Variants in LASP1 observed in about 807,000 individuals in gnomAD.
LASP1 encodes the protein LIM and SH3 protein 1, also known as LIM and SH3 domain protein 1.
Under a neutral mutation model 38.6 loss-of-function variants are expected in LASP1, and 10 were observed. The observed-to-expected ratio is 0.26, with a 90% confidence interval of 0.16 to 0.44. LASP1 has a LOEUF of 0.44. LASP1 is among the 20% of genes least tolerant of loss of function. The pLI is 1.00. For synonymous variants in LASP1, 132 were observed against 140.8 expected, an observed-to-expected ratio of 0.94 and a Z score of 0.44; for missense variants, 243 against 375.7, an observed-to-expected ratio of 0.65 and a Z score of 2.92.
chr17:38,872,203 G>A (rs940562115), intron 1 of LASP1, among the ~76,000 whole-genome samples: 2 of 152,142 alleles, frequency 1.3e-5, no homozygotes, highest in African/African-American at 4.8e-5. Context: ...CCTTAAAGGT[G>A]GGGCAGTGCA....
intron 1 of LASP1, chr17:38,873,835 C>A (rs761586044): frequency 3.9e-5 from 6 of 152,244 alleles, no homozygotes; most frequent in Non-Finnish European, 8.8e-5. Context: ...GAGATGGTCT[C>A]ATAATCCATC....
Position 38,911,325 on chromosome 17 carries a change from G to T in LASP1, c.358-3000G>T, listed in dbSNP as rs1663185059. 2.0e-5 allele frequency among the ~76,000 whole-genome samples: 3 copies of T among 152,214 alleles called. 1 individual carries two copies. The highest frequency in any genetic ancestry group is 2.0e-4 in the Admixed American group (3 of 15,282). On this transcript the variant is annotated intron_variant, in intron 4 of 6. Coordinates refer to ENST00000318008, the MANE Select transcript of LASP1 (RefSeq NM_006148.4). ...GATGAGAGAAGCCTGGACTGCCCTT[G>T]AGTGGCGAGGGTGGGCTGCCTCCAG... is the stretch of plus-strand genomic sequence containing the variant.
In LASP1 at chr17:38,920,666, C is replaced by G. The variant is rs1362310241; in HGVS notation, c.*1888C>G. On this transcript the variant is annotated 3_prime_UTR_variant, in exon 7 of 7. Transcript: ENST00000318008. ...TGTTAATTGATTTGGGGATGTTTGCCCCGAATGAGAGGTTGAGGAAAAGAC... is the reference window on the plus strand; with the variant it reads ...TGTTAATTGATTTGGGGATGTTTGCGCCGAATGAGAGGTTGAGGAAAAGAC... 4.3e-6 allele frequency: 1 copy of G among 233,492 alleles called. No individual in the cohort carries two copies. The highest frequency in any genetic ancestry group is 8.5e-6 in the Non-Finnish European group (1 of 118,134). The allele number at this position is 233,492 out of a possible 1,614,324, so 14.5% of individuals were successfully genotyped here.
intron 1 of LASP1, among the ~76,000 whole-genome samples, chr17:38,872,989 C>A (rs1369622671): frequency 6.6e-6 from 1 of 152,166 alleles, no homozygotes; most frequent in Non-Finnish European, 1.5e-5. Flanking sequence ...GGGATTAGAG[C>A]TGGGGGAGAA....
chr17:38,876,851 C>T (rs948850252), intron 1 of LASP1, among the ~76,000 whole-genome samples: 4 of 152,020 alleles, frequency 2.6e-5, no homozygotes, highest in Non-Finnish European at 5.9e-5. Context: ...TACAGGCACC[C>T]GCCACCACGC....
intron 1 of LASP1, chr17:38,873,942 A>G (rs73297133): frequency 0.099 from 15,115 of 152,376 alleles, 1,086 homozygotes; most frequent in East Asian, 0.39. Context: ...CCCCCAACCC[A>G]GAGCCACAGA....
In LASP1 at chr17:38,919,033, A is replaced by AGGGCGAAGCCCGTGG; in HGVS notation, c.*257_*258insGCGAAGCCCGTGGGG. 1 of 532,764 alleles carries AGGGCGAAGCCCGTGG rather than the reference A, an allele frequency of 1.9e-6. No individual in the cohort carries two copies. The highest frequency in any genetic ancestry group is 2.1e-5 in the South Asian group (1 of 46,858). 33.0% of individuals were successfully genotyped at this position (532,764 alleles called of 1,614,324 possible). On this transcript the variant is annotated 3_prime_UTR_variant, in exon 7 of 7. Coordinates refer to ENST00000318008, the MANE Select transcript of LASP1 (RefSeq NM_006148.4). ...GAACGGGCATGGGCCTCTCTGGGGG[A>AGGGCGAAGCCCGTGG]GGCAGGGCTGGAATGGGAGACCTGT...
intron 4 of LASP1, among the ~76,000 whole-genome samples, chr17:38,909,427 T>C (rs1168353165): frequency 6.6e-6 from 1 of 151,878 alleles, no homozygotes; most frequent in East Asian, 1.9e-4. Context: ...GCCAACATGG[T>C]AAAAGCCTGT....
In LASP1 at chr17:38,884,687, C is replaced by CT. The variant is rs1202417090; in HGVS notation, c.165-5712dup. Among the ~76,000 whole-genome samples, 775 of 102,862 alleles carry CT rather than the reference C, an allele frequency of 7.5e-3. 22 individuals carry two copies. Among genetic ancestry groups the CT allele is most frequent in the African/African-American group, 0.013 (328 of 25,246 alleles). The allele number at this position is 102,862 out of a possible 152,430, so 67.5% of individuals were successfully genotyped here. On this transcript the variant is annotated intron_variant, in intron 2 of 6. Transcript: ENST00000318008. ...TTACAGCGTGAGCCACCACGTCCGGCTTTTTTTTTTTTTTTTTTTTTGAGA... is the reference window on the plus strand; with the variant it reads ...TTACAGCGTGAGCCACCACGTCCGGCTTTTTTTTTTTTTTTTTTTTTTGAGA...
chr17:38,884,054 G>T (rs1235780579), intron 2 of LASP1, among the ~76,000 whole-genome samples: 2 of 151,186 alleles, frequency 1.3e-5, no homozygotes, highest in African/African-American at 4.9e-5. Context: ...AAAACCAAAA[G>T]CTCCTTGTTG....
At chr17:38,893,242 T>G (rs1914394338) in intron 3 of LASP1, among the ~76,000 whole-genome samples, 1 of 152,220 alleles carries the variant, frequency 6.6e-6, no homozygotes, top group Non-Finnish European at 1.5e-5. Flanking sequence ...CACCGAGCCC[T>G]GTGCTCCCAC....
intron 3 of LASP1, among the ~76,000 whole-genome samples, chr17:38,895,460 A>C (rs1452427853): frequency 6.6e-6 from 1 of 151,684 alleles, no homozygotes; most frequent in Non-Finnish European, 1.5e-5. Context: ...AGCTGGGATT[A>C]CGCCCACCAC....
At chr17:38,879,950 G>T (rs1913894408) in intron 2 of LASP1, among the ~76,000 whole-genome samples, 1 of 152,114 alleles carries the variant, frequency 6.6e-6, no homozygotes, top group South Asian at 2.1e-4. Flanking sequence ...GCTCTGTCCT[G>T]GCCCCTCCTT....
intron 2 of LASP1, among the ~76,000 whole-genome samples, chr17:38,884,824 G>A (rs1914067272): frequency 6.6e-6 from 1 of 151,378 alleles, no homozygotes; most frequent in African/African-American, 2.4e-5. Context: ...CTGGGTAGCT[G>A]GGACTACAGG....
In LASP1 at chr17:38,920,493, TC is replaced by T; in HGVS notation, c.*1719del. 1 of 262,838 alleles carries T rather than the reference TC, an allele frequency of 3.8e-6. No individual in the cohort carries two copies. The highest frequency in any genetic ancestry group is 7.5e-6 in the Non-Finnish European group (1 of 134,086). 16.3% of individuals were successfully genotyped at this position (262,838 alleles called of 1,614,324 possible). A position where few individuals can be genotyped will look rare whatever the true frequency, so the allele number is the denominator to read the frequency against. On this transcript the variant is annotated 3_prime_UTR_variant, in exon 7 of 7. Coordinates refer to ENST00000318008, the MANE Select transcript of LASP1 (RefSeq NM_006148.4). ...TGGTTTTCTTGCCACCCTCTGGGAGTCCCCATCCCATTTTCATCCTGAGCCC... is the reference window on the plus strand; with the variant it reads ...TGGTTTTCTTGCCACCCTCTGGGAGTCCCATCCCATTTTCATCCTGAGCCC...
Position 38,919,033 on chromosome 17 carries a change from A to AGGGGGAGGCCCGTGG in LASP1, c.*257_*258insGGGAGGCCCGTGGGG, listed in dbSNP as rs11270367. On this transcript the variant is annotated 3_prime_UTR_variant, in exon 7 of 7. Transcript: ENST00000318008. ...GAACGGGCATGGGCCTCTCTGGGGG[A>AGGGGGAGGCCCGTGG]GGCAGGGCTGGAATGGGAGACCTGT... 1 of 532,764 alleles carries AGGGGGAGGCCCGTGG rather than the reference A, an allele frequency of 1.9e-6. No individual in the cohort carries two copies. The highest frequency in any genetic ancestry group is 3.4e-6 in the Non-Finnish European group (1 of 296,216). 33.0% of individuals were successfully genotyped at this position (532,764 alleles called of 1,614,324 possible).
chr17:38,912,367 C>CAGAGT (rs1914979578), intron 4 of LASP1, among the ~76,000 whole-genome samples: 2 of 152,006 alleles, frequency 1.3e-5, no homozygotes, highest in African/African-American at 2.4e-5. Context: ...CAGATTGCCA[C>CAGAGT]AGGGCCAGGG....
chr17:38,897,582 C>T (rs1251203855), intron 3 of LASP1, among the ~76,000 whole-genome samples: 1 of 152,240 alleles, frequency 6.6e-6, no homozygotes, highest in Non-Finnish European at 1.5e-5. Flanking sequence ...CAATTCCTTT[C>T]GTGCCAGGGA....
intron 6 of LASP1, chr17:38,915,376 C>G: frequency 2.5e-6 from 1 of 407,410 alleles, no homozygotes. Context: ...GTTGCTCACC[C>G]TGCTTTGGGT....
Sources: gnomAD v4.1 joint callset for allele counts (sites outside exome capture counted in the v4.1 genomes callset) on GRCh38, gnomAD v4.1.1 for gene constraint, MANE v1.5 for transcripts, NCBI Gene and HGNC (gene_info 2026-07-23, HGNC 2026-07-21) for gene names.